Variants in CWC27 observed in about 807,000 individuals in gnomAD.
CWC27 encodes the protein spliceosome-associated protein CWC27 homolog.
Under a neutral mutation model 63.6 loss-of-function variants are expected in CWC27, and 47 were observed. The ratio of observed to expected loss-of-function variants is 0.74; its 90% confidence interval spans 0.58 to 0.94. The LOEUF (loss-of-function observed/expected upper bound fraction) is 0.94, where lower values mean the gene tolerates loss of function less well. Among genes scored for constraint, CWC27 ranks in the 40% least tolerant of loss-of-function variants. The pLI, the probability that CWC27 is intolerant of heterozygous loss-of-function variation, is 0.00. For missense variants in CWC27, 495 were observed against 554.3 expected (o/e 0.89, Z 1.07); for synonymous variants, 175 against 179.8 (o/e 0.97, Z 0.22).
intron 11 of CWC27, among the ~76,000 whole-genome samples, chr5:64,945,828 A>C (rs1327317695): frequency 1.3e-5 from 2 of 152,166 alleles, no homozygotes; most frequent in Non-Finnish European, 2.9e-5. Context: ...CCTTCAGAAA[A>C]GTGATTATGA....
intron 10 of CWC27, among the ~76,000 whole-genome samples, chr5:64,819,391 A>G (rs1311664589): frequency 6.6e-6 from 1 of 152,110 alleles, no homozygotes; most frequent in Non-Finnish European, 1.5e-5. Flanking sequence ...GGTGACTGAT[A>G]TGGTTTGGCT....
intron 13 of CWC27, among the ~76,000 whole-genome samples, chr5:65,017,308 G>A (rs1425628263): frequency 1.3e-5 from 2 of 151,964 alleles, no homozygotes; most frequent in Non-Finnish European, 2.9e-5. Flanking sequence ...GCAACAGAGT[G>A]AGACTCCATC....
intron 11 of CWC27, among the ~76,000 whole-genome samples, chr5:64,909,977 A>T (rs1404978821): frequency 6.6e-6 from 1 of 152,168 alleles, no homozygotes; most frequent in African/African-American, 2.4e-5. Context: ...ATTGCTGGCA[A>T]GGAGCTGTGA....
chr5:64,935,654 C>T (rs1001966683), intron 11 of CWC27, among the ~76,000 whole-genome samples: 11 of 152,120 alleles, frequency 7.2e-5, no homozygotes, highest in Admixed American at 6.5e-4. Context: ...TCAATGGTAG[C>T]TTGATGGGGA....
chr5:64,858,119 C>G (rs1454096835), intron 10 of CWC27, among the ~76,000 whole-genome samples: 1 of 88,080 alleles, frequency 1.1e-5, no homozygotes, highest in Admixed American at 1.9e-4. Flanking sequence ...GCCTGGGCGA[C>G]AGAGCGAGAC....
intron 13 of CWC27, among the ~76,000 whole-genome samples, chr5:64,977,904 A>G (rs1749257428): frequency 6.6e-6 from 1 of 151,852 alleles, no homozygotes; most frequent in South Asian, 2.1e-4. Context: ...GCCTCCCCAC[A>G]CCTAACTGCC....
chr5:64,997,475 A>G (rs968830479), intron 13 of CWC27, among the ~76,000 whole-genome samples: 3 of 152,162 alleles, frequency 2.0e-5, no homozygotes, highest in Non-Finnish European at 4.4e-5. Context: ...TAATTTATCT[A>G]TATTTGACCA....
intron 13 of CWC27, among the ~76,000 whole-genome samples, chr5:64,992,752 C>G (rs1238536541): frequency 6.6e-6 from 1 of 150,676 alleles, no homozygotes; most frequent in Non-Finnish European, 1.5e-5. Flanking sequence ...CCAGGATGGT[C>G]TCGATCTCCT....
At chr5:64,910,527 CT>C (rs1373910800) in intron 11 of CWC27, among the ~76,000 whole-genome samples, 3 of 152,240 alleles carry the variant, frequency 2.0e-5, no homozygotes, top group Non-Finnish European at 4.4e-5. Context: ...TTTCTGCTGC[CT>C]TTAGTTCATC....
At chr5:64,854,003 T>C (rs1370541802) in intron 10 of CWC27, among the ~76,000 whole-genome samples, 1 of 152,254 alleles carries the variant, frequency 6.6e-6, no homozygotes, top group African/African-American at 2.4e-5. Flanking sequence ...ACAGCCACCA[T>C]TCTACTTTCT....
intron 7 of CWC27, among the ~76,000 whole-genome samples, chr5:64,799,272 A>G (rs1490764045): frequency 3.3e-5 from 5 of 152,150 alleles, no homozygotes; most frequent in African/African-American, 1.2e-4. Context: ...TATTTGAAGC[A>G]CAGTGCCTAG....
At chr5:64,776,068 CGAGAGAGAGA>C (rs70983650) in intron 2 of CWC27, among the ~76,000 whole-genome samples, 1,461 of 108,594 alleles carry the variant, frequency 0.013, 10 homozygotes, top group African/African-American at 0.017. Context: ...AGGAGTGGAG[CGAGAGAGAGA>C]GAGAGAGAGA....
intron 7 of CWC27, among the ~76,000 whole-genome samples, chr5:64,798,796 A>G (rs1172267401): frequency 6.6e-6 from 1 of 152,198 alleles, no homozygotes; most frequent in Non-Finnish European, 1.5e-5. Context: ...ATTTTAGTTA[A>G]CATACTTTGT....
chr5:65,000,906 T>G (rs1456779473), intron 13 of CWC27, among the ~76,000 whole-genome samples: 2 of 152,122 alleles, frequency 1.3e-5, no homozygotes, highest in East Asian at 3.8e-4. Flanking sequence ...CTCTGTAGAT[T>G]GTTTTGAATA....
At chr5:64,993,789 TA>T (rs1015650314) in intron 13 of CWC27, among the ~76,000 whole-genome samples, 7 of 152,168 alleles carry the variant, frequency 4.6e-5, no homozygotes, top group Admixed American at 2.0e-4. Context: ...ATAATGTAGT[TA>T]AAAAGCCAAT....
intron 4 of CWC27, 65 bp from the exon 5 acceptor site, chr5:64,785,416 G>T: frequency 1.4e-6 from 1 of 734,690 alleles, no homozygotes; most frequent in South Asian, 4.7e-5. Context: ...GTTTTCAAAG[G>T]TTTTCTCTTA....
At chr5:64,951,522 T>C (rs1456850076) in intron 11 of CWC27, among the ~76,000 whole-genome samples, 3 of 151,952 alleles carry the variant, frequency 2.0e-5, no homozygotes, top group Non-Finnish European at 2.9e-5. Flanking sequence ...CATGTGCCTA[T>C]TGAAAGTATA....
At chr5:64,993,364 A>G (rs1749572939) in intron 13 of CWC27, among the ~76,000 whole-genome samples, 1 of 152,216 alleles carries the variant, frequency 6.6e-6, no homozygotes, top group South Asian at 2.1e-4. Flanking sequence ...GGCAAATGTT[A>G]ATTTACTTCA....
At position 64,878,470 on chromosome 5, in the gene CWC27, T is replaced by TAAAAAAAAAAAAAAAAAAA. The variant is rs397998002; in HGVS notation, c.939-6961_939-6943dup. ...GTCAGCACTGTCCTGGGTTACAGATTAAAAAAAAAAAAAAAAAAAAAAAAA... is the reference window on the plus strand; with the variant it reads ...GTCAGCACTGTCCTGGGTTACAGATTAAAAAAAAAAAAAAAAAAAAAAAAAAAAAAAAAAAAAAAAAAAA... On this transcript the variant is annotated intron_variant, in intron 10 of 13. Coordinates refer to ENST00000381070, the MANE Select transcript of CWC27 (RefSeq NM_005869.4). Among the ~76,000 whole-genome samples the TAAAAAAAAAAAAAAAAAAA allele has an allele frequency of 1.7e-3, 46 of 26,934 alleles. 8 individuals are homozygous for TAAAAAAAAAAAAAAAAAAA. Among genetic ancestry groups the TAAAAAAAAAAAAAAAAAAA allele is most frequent in the East Asian group, 6.3e-3 (4 of 638 alleles). The allele number at this position is 26,934 out of a possible 152,430, so 17.7% of individuals were successfully genotyped here.
Sources: gnomAD v4.1 joint callset for allele counts (sites outside exome capture counted in the v4.1 genomes callset) on GRCh38, gnomAD v4.1.1 for gene constraint, MANE v1.5 for transcripts, NCBI Gene and HGNC (gene_info 2026-07-23, HGNC 2026-07-21) for gene names.